Variants in STARD13 observed in about 807,000 individuals in gnomAD.
STARD13 encodes the protein StAR related lipid transfer domain containing 13.
Under a neutral mutation model 106.4 loss-of-function variants are expected in STARD13, and 62 were observed. The ratio of observed to expected loss-of-function variants is 0.58; its 90% CI spans 0.48 to 0.72. The LOEUF (loss-of-function observed/expected upper bound fraction) is 0.72. STARD13 is among the 30% of genes least tolerant of loss of function. The pLI, the probability that STARD13 is intolerant of heterozygous loss-of-function variation, is 0.00. For synonymous variants in STARD13, 565 were observed against 553.0 expected (o/e 1.02, Z -0.31); for missense variants, 1,387 against 1,424.0 (o/e 0.97, Z 0.42).
At chr13:33,220,489 G>A (rs1444119371) in intron 1 of STARD13, among the ~76,000 whole-genome samples, 3 of 152,006 alleles carry the variant, frequency 2.0e-5, no homozygotes, top group African/African-American at 4.8e-5. Context: ...TCAGGAGTTC[G>A]AGACCAGCCT....
In STARD13 at chr13:33,127,375, T is replaced by C; in HGVS notation, c.1920A>G (p.Thr640=). 6.3e-7 allele frequency: 1 copy of C among 1,591,992 alleles called. No individual in the cohort carries two copies. Among genetic ancestry groups the C allele is most frequent in the Non-Finnish European group, 8.6e-7 (1 of 1,169,466 alleles). ...TCCTAGGTGAATGTGCTACGCACCA[T>C]GTCCAGCCGTGCTTGTTGGACATGG... ...KHSMSNKHGW[T]WSVPKFMKRM... Residue 640 remains threonine, a splice_region_variant and synonymous_variant, in exon 6 of 14, where the codon ACA becomes ACG. Coordinates refer to ENST00000336934, the MANE Select transcript of STARD13 (RefSeq NM_178006.4).
chr13:33,558,740 TAAG>T, the STARD13 span, among the ~76,000 whole-genome samples: 1 of 150,154 alleles, frequency 6.7e-6, no homozygotes, highest in East Asian at 1.9e-4. Context: ...ATAAATACAA[TAAG>T]AAGTCACTCC....
upstream of STARD13, among the ~76,000 whole-genome samples, chr13:33,290,030 A>G (rs888579458): frequency 6.6e-6 from 1 of 152,140 alleles, no homozygotes; most frequent in African/African-American, 2.4e-5. Context: ...CTGAAATTTG[A>G]CCTCTAAGCA....
the STARD13 span, among the ~76,000 whole-genome samples, chr13:33,597,089 T>G: frequency 2.0e-5 from 3 of 152,214 alleles, no homozygotes; most frequent in Non-Finnish European, 4.4e-5. Flanking sequence ...TGTTCTATTT[T>G]TAGTTTTTTG....
rs771205874 is a variant in STARD13, at chr13:33,129,250, T to C, written c.1427A>G (p.Asp476Gly). Reference protein sequence around the residue: ...HLYASTGDLLDLEKDDLFPHL... With the variant: ...HLYASTGDLLGLEKDDLFPHL... ...AGGGAAAAGGTCATCTTTCTCCAAGTCCAAAAGATCTCCTGTGCTGGCATA... is the reference window on the plus strand; with the variant it reads ...AGGGAAAAGGTCATCTTTCTCCAAGCCCAAAAGATCTCCTGTGCTGGCATA... The change falls in exon 5 of 14, where the codon GAC becomes GGC. Residue 476 changes from aspartate (D) to glycine (G), a missense_variant. Asp to Gly is a moderately conservative substitution (Grantham distance 94, BLOSUM62 -1). Coordinates refer to ENST00000336934, the MANE Select transcript of STARD13 (RefSeq NM_178006.4). 2 of 1,614,120 alleles carry C rather than the reference T, an allele frequency of 1.2e-6. No individual in the cohort carries two copies. The highest frequency in any genetic ancestry group is 1.7e-6 in the Non-Finnish European group (2 of 1,180,006).
intron 1 of STARD13, among the ~76,000 whole-genome samples, chr13:33,314,161 C>A (rs962373726): frequency 6.6e-6 from 1 of 152,014 alleles, no homozygotes; most frequent in Non-Finnish European, 1.5e-5. Flanking sequence ...GGAGAGAGAC[C>A]CCTCTCCAAG....
the STARD13 span, among the ~76,000 whole-genome samples, chr13:33,595,690 T>TGGATTC: frequency 6.6e-6 from 1 of 152,174 alleles, no homozygotes; most frequent in Non-Finnish European, 1.5e-5. Context: ...GGGAACCAAA[T>TGGATTC]ACCAAGTTAT....
chr13:33,461,685 TGTA>T, the STARD13 span, among the ~76,000 whole-genome samples: 22 of 152,334 alleles, frequency 1.4e-4, no homozygotes, highest in Non-Finnish European at 2.8e-4. Flanking sequence ...CTTTTTATCT[TGTA>T]GTGATTTTTT....
At chr13:33,609,767 C>T in the STARD13 span, among the ~76,000 whole-genome samples, 1 of 151,932 alleles carries the variant, frequency 6.6e-6, no homozygotes, top group African/African-American at 2.4e-5. Flanking sequence ...GTGGTTTCAC[C>T]GTGTTAGCCA....
chr13:33,505,961 A>G, the STARD13 span, among the ~76,000 whole-genome samples: 2 of 152,130 alleles, frequency 1.3e-5, no homozygotes, highest in Admixed American at 1.3e-4. Context: ...CCATGTTGAA[A>G]TATTTACTAA....
chr13:33,568,515 A>G, the STARD13 span, among the ~76,000 whole-genome samples: 2 of 148,122 alleles, frequency 1.4e-5, no homozygotes, highest in South Asian at 2.1e-4. Context: ...TAGTGTAGTA[A>G]CAGAGGTAAG....
chr13:33,247,717 T>C (rs1889899251), intron 1 of STARD13, among the ~76,000 whole-genome samples: 1 of 152,204 alleles, frequency 6.6e-6, no homozygotes, highest in Admixed American at 6.5e-5. Flanking sequence ...TGGCCCTCAC[T>C]TGTAAGTGCT....
At chr13:33,370,251 C>T in the STARD13 span, among the ~76,000 whole-genome samples, 2 of 152,176 alleles carry the variant, frequency 1.3e-5, no homozygotes, top group Non-Finnish European at 2.9e-5. Flanking sequence ...ATACTAACCA[C>T]CTTTGATCCT....
At chr13:33,470,635 A>C in the STARD13 span, among the ~76,000 whole-genome samples, 1 of 152,208 alleles carries the variant, frequency 6.6e-6, no homozygotes, top group African/African-American at 2.4e-5. Flanking sequence ...ATGAGTTGCT[A>C]TCTCATTGTG....
At chr13:33,655,868 G>A in the STARD13 span, among the ~76,000 whole-genome samples, 1 of 152,144 alleles carries the variant, frequency 6.6e-6, no homozygotes, top group Non-Finnish European at 1.5e-5. Flanking sequence ...AATCCTCAGG[G>A]AAATACTGCA....
intron 1 of STARD13, among the ~76,000 whole-genome samples, chr13:33,177,004 A>T (rs1197949881): frequency 1.3e-5 from 2 of 152,230 alleles, no homozygotes; most frequent in African/African-American, 4.8e-5. Context: ...GAGGATCTTC[A>T]CATTTGATGT....
the STARD13 span, among the ~76,000 whole-genome samples, chr13:33,650,763 C>T: frequency 4.6e-3 from 695 of 152,328 alleles, 8 homozygotes; most frequent in Non-Finnish European, 5.4e-3. Flanking sequence ...GAGGTGATTA[C>T]GCCACAAGGG....
At chr13:33,253,837 A>C (rs1486011747) in intron 1 of STARD13, among the ~76,000 whole-genome samples, 1 of 152,238 alleles carries the variant, frequency 6.6e-6, no homozygotes, top group Non-Finnish European at 1.5e-5. Flanking sequence ...GAACGGGATA[A>C]AAATAAAGGC....
At chr13:33,387,196 G>A in the STARD13 span, among the ~76,000 whole-genome samples, 6 of 152,106 alleles carry the variant, frequency 3.9e-5, no homozygotes, top group South Asian at 2.1e-4. Context: ...TTAGAGATTG[G>A]ATTGTGCTAT....
Sources: allele counts gnomAD v4.1 joint callset (sites outside exome capture counted in the v4.1 genomes callset), GRCh38; gene constraint gnomAD v4.1.1; transcripts MANE v1.5; gene names NCBI Gene and HGNC (gene_info 2026-07-23, HGNC 2026-07-21).